Variants in RBM28 observed in about 807,000 individuals in gnomAD.
RBM28 encodes the protein RNA-binding protein 28.
RBM28 carries 78 observed loss-of-function variants against 98.3 expected under a neutral mutation model. The ratio of observed to expected loss-of-function variants is 0.79; its 90% CI spans 0.66 to 0.96. The LOEUF (loss-of-function observed/expected upper bound fraction) is 0.96, where lower values mean the gene tolerates loss of function less well. Ranked by LOEUF, RBM28 falls within the 40% of genes least tolerant of loss-of-function variation. The probability of loss-of-function intolerance (pLI) is 0.00; values close to 1 mark genes in which losing one functional copy is unlikely to be tolerated. For missense variants in RBM28, 838 were observed against 913.0 expected, an observed-to-expected ratio of 0.92 and a Z score of 1.06; for synonymous variants, 306 against 330.9, an observed-to-expected ratio of 0.92 and a Z score of 0.82.
At chr7:128,341,831 C>T (rs1012576741) in intron 1 of RBM28, among the ~76,000 whole-genome samples, 2 of 152,200 alleles carry the variant, frequency 1.3e-5, no homozygotes, top group Non-Finnish European at 2.9e-5. Flanking sequence ...TTTACAAATA[C>T]TTATCCTTTA....
intron 16 of RBM28, among the ~76,000 whole-genome samples, chr7:128,317,155 G>A (rs1370122874): frequency 6.6e-6 from 1 of 152,204 alleles, no homozygotes; most frequent in Non-Finnish European, 1.5e-5. Context: ...GAAGTTCAGA[G>A]CGGTAATAAC....
intron 13 of RBM28, among the ~76,000 whole-genome samples, 170 bp from the exon 14 acceptor site, chr7:128,321,594 G>A (rs1796236222): frequency 6.6e-6 from 1 of 152,158 alleles, no homozygotes; most frequent in African/African-American, 2.4e-5. Flanking sequence ...GGAAAGAAAA[G>A]TCCAAGGGAA....
In RBM28 at chr7:128,337,202, C is replaced by T; in HGVS notation, c.542G>A (p.Gly181Asp). Reference protein sequence around the residue: ...LKGMNMKEIKGRTVAVDWAVA... With the variant: ...LKGMNMKEIKDRTVAVDWAVA... ...GGCCCAATCCACAGCCACTGTCCGG[C>T]CTGTCAAGCAGAAAAGTGGCATCAG... The change falls in exon 6 of 19, where the codon GGC becomes GAC. Residue 181 changes from glycine to aspartate, a missense_variant and splice_region_variant. Transcript: ENST00000223073. 1.2e-6 allele frequency: 2 copies of T among 1,614,080 alleles called. No homozygotes were observed. The highest frequency in any genetic ancestry group is 1.7e-6 in the Non-Finnish European group (2 of 1,179,980).
chr7:128,339,221 A>T lies in RBM28; in HGVS notation c.372+6T>A. On this transcript the variant is annotated splice_donor_region_variant and intron_variant, in intron 3 of 18. Transcript: ENST00000223073. ...ACATGCAATGTTCATTTTCTCTCTC[A>T]CTTACCTTAAAGCTCAGGTTCCGAA... The T allele has an allele frequency of 2.5e-6, 4 of 1,600,686 alleles. No individual in the cohort carries two copies. Among genetic ancestry groups the T allele is most frequent in the South Asian group, 2.2e-5 (2 of 90,804 alleles).
chr7:128,326,505 T>C (rs1460432747), intron 10 of RBM28, among the ~76,000 whole-genome samples: 1 of 152,220 alleles, frequency 6.6e-6, no homozygotes, highest in Non-Finnish European at 1.5e-5. Flanking sequence ...CTTACCATTA[T>C]GTTACAACTG....
Position 128,322,095 on chromosome 7 carries a change from A to G in RBM28, c.1405-671T>C, listed in dbSNP as rs572399883. ...CTCAAAATGTAGCTCAGAACAAACA[A>G]CAAATAATACTGTGATTAATATCTA... is the stretch of plus-strand genomic sequence containing the variant. On this transcript the variant is annotated intron_variant, in intron 13 of 18. Transcript: ENST00000223073. Among the ~76,000 whole-genome samples the G allele has an allele frequency of 5.3e-5, 8 of 152,174 alleles. No homozygotes were observed. The South Asian group carries it at 1.5e-3, about 28-fold the overall frequency.
At chr7:128,325,433 A>G (rs1266214885) in intron 11 of RBM28, among the ~76,000 whole-genome samples, 1 of 152,226 alleles carries the variant, frequency 6.6e-6, no homozygotes, top group Non-Finnish European at 1.5e-5. Context: ...GAACAAATGG[A>G]GTAATTCTCC....
Position 128,339,301 on chromosome 7 carries a change from T to A in RBM28, c.298A>T (p.Lys100Ter). The A allele has an allele frequency of 6.2e-7, 1 of 1,612,610 alleles. No individual in the cohort carries two copies. ...GKNENSECPKKEPKAKKAKVA... is the reference protein window; with the variant it reads ...GKNENSECPK ...TTGGCTTTTTTAGCCTTCGGCTCCTTCTTTGGGCACTCTGAGTTTTCTAAA... is the reference window on the plus strand; with the variant it reads ...TTGGCTTTTTTAGCCTTCGGCTCCTACTTTGGGCACTCTGAGTTTTCTAAA... Residue 100 changes from lysine (K) to a stop codon, truncating the protein, a stop_gained, in exon 3 of 19, where the codon AAG becomes TAG. Coordinates refer to ENST00000223073, the MANE Select transcript of RBM28 (RefSeq NM_018077.3). LOFTEE classifies it high-confidence loss of function.
rs752686597 is a variant in RBM28, at chr7:128,300,985, G to A, written c.*9812C>T. ...GGCACTGAGGAGGATGGGTCACCCC[G>A]GGAGCAGAGCCTGGCTCATATCCTG... On this transcript the variant is annotated 3_prime_UTR_variant, in exon 19 of 19. Transcript: ENST00000223073. 2 of 152,514 alleles carry A rather than the reference G, an allele frequency of 1.3e-5. No individual in the cohort carries two copies. Among genetic ancestry groups the A allele is most frequent in the Non-Finnish European group, 2.9e-5 (2 of 68,288 alleles). The allele number at this position is 152,514 out of a possible 1,614,324, so 9.4% of individuals were successfully genotyped here. A position where few individuals can be genotyped will look rare whatever the true frequency, so the allele number is the denominator to read the frequency against.
chr7:128,338,042 C>T (rs1292660176), intron 5 of RBM28, among the ~76,000 whole-genome samples: 1 of 152,112 alleles, frequency 6.6e-6, no homozygotes, highest in Non-Finnish European at 1.5e-5. Context: ...ACACTCTCAC[C>T]AGATAAAAGA....
chr7:128,341,430 A>C (rs1369463155), intron 1 of RBM28, among the ~76,000 whole-genome samples: 1 of 152,248 alleles, frequency 6.6e-6, no homozygotes. Flanking sequence ...TGTCTGCATA[A>C]AGCATGCTCA....
Position 128,299,521 on chromosome 7 carries a change from T to C in RBM28, c.*11276A>G, listed in dbSNP as rs1256681397. On this transcript the variant is annotated 3_prime_UTR_variant, in exon 19 of 19. Transcript: ENST00000223073. The stretch of plus-strand genomic sequence containing the variant: ...GCAGTCTCTCCAGGATAATGCATTA[T>C]AAAAACAACAACAGCACCTGATTAG... 3 of 152,190 alleles carry C rather than the reference T, an allele frequency of 2.0e-5. No homozygotes were observed. Among genetic ancestry groups the C allele is most frequent in the Admixed American group, 6.5e-5 (1 of 15,276 alleles). The allele number at this position is 152,190 out of a possible 1,614,324, so 9.4% of individuals were successfully genotyped here.
At chr7:128,328,027 T>A (rs1796392489) in intron 10 of RBM28, among the ~76,000 whole-genome samples, 1 of 152,076 alleles carries the variant, frequency 6.6e-6, no homozygotes, top group Non-Finnish European at 1.5e-5. Flanking sequence ...AACACAAAGG[T>A]CACCATCTAG....
rs1796787518 is a variant in RBM28 at position 128,343,877 on chromosome 7, A to G, written c.-84T>C. The G allele has an allele frequency of 1.1e-6, 1 of 923,764 alleles. No homozygotes were observed. The highest frequency in any genetic ancestry group is 1.6e-6 in the Non-Finnish European group (1 of 620,112). 57.2% of individuals were successfully genotyped at this position (923,764 alleles called of 1,614,324 possible). ...CCGAAACGCTGGCTTTGGTAGGACAACCAAGCTCACACGCCGAGAGATTCC... is the reference window on the plus strand; with the variant it reads ...CCGAAACGCTGGCTTTGGTAGGACAGCCAAGCTCACACGCCGAGAGATTCC... On this transcript the variant is annotated 5_prime_UTR_variant, in exon 1 of 19. Transcript: ENST00000223073.
chr7:128,342,333 G>C (rs1796743828), intron 1 of RBM28, among the ~76,000 whole-genome samples: 1 of 152,218 alleles, frequency 6.6e-6, no homozygotes, highest in African/African-American at 2.4e-5. Flanking sequence ...CAGCCAGAGA[G>C]AGAATCTTTC....
intron 1 of RBM28, chr7:128,341,215 A>G (rs1796717011): frequency 3.9e-6 from 5 of 1,283,708 alleles, no homozygotes; most frequent in Non-Finnish European, 5.1e-6. Context: ...ACTGATCTAC[A>G]TAAACTGGTT....
At chr7:128,319,098 A>T (rs1437160959) in intron 14 of RBM28, among the ~76,000 whole-genome samples, 1 of 152,172 alleles carries the variant, frequency 6.6e-6, no homozygotes, top group East Asian at 1.9e-4. Flanking sequence ...GATCATTTAC[A>T]TGCCATTACT....
In RBM28 at chr7:128,339,208, CA is replaced by C; in HGVS notation, c.372+18del. 6.4e-7 allele frequency: 1 copy of C among 1,572,730 alleles called. No homozygotes were observed. The highest frequency in any genetic ancestry group is 8.8e-7 in the Non-Finnish European group (1 of 1,142,456). On this transcript the variant is annotated intron_variant, in intron 3 of 18. Transcript: ENST00000223073. ...AAAAGCCTTCAAAACATGCAATGTTCATTTTCTCTCTCACTTACCTTAAAGC... is the reference window on the plus strand; with the variant it reads ...AAAAGCCTTCAAAACATGCAATGTTCTTTTCTCTCTCACTTACCTTAAAGC...
chr7:128,324,869 C>T (rs1246735323), intron 11 of RBM28, among the ~76,000 whole-genome samples, 175 bp from the exon 12 acceptor site: 2 of 151,998 alleles, frequency 1.3e-5, no homozygotes, highest in African/African-American at 4.8e-5. Context: ...CAAAAATTAG[C>T]CGGGCATGGT....
Sources: gnomAD v4.1 joint callset for allele counts (sites outside exome capture counted in the v4.1 genomes callset) on GRCh38, gnomAD v4.1.1 for gene constraint, MANE v1.5 for transcripts, NCBI Gene and HGNC (gene_info 2026-07-23, HGNC 2026-07-21) for gene names.